DCLRE1C: variants seen among roughly 807,000 people sequenced by gnomAD.
DCLRE1C encodes the protein protein artemis.
DCLRE1C carries 47 observed loss-of-function variants against 61.4 expected under a neutral mutation model. That is an observed-to-expected ratio of 0.77 (90% CI 0.61 to 0.98). The LOEUF (loss-of-function observed/expected upper bound fraction) is 0.98, where lower values mean the gene tolerates loss of function less well. DCLRE1C is among the 50% of genes least tolerant of loss of function. The pLI, the probability that DCLRE1C is intolerant of heterozygous loss-of-function variation, is 0.00. For missense variants in DCLRE1C, 858 were observed against 816.0 expected, an observed-to-expected ratio of 1.05 and a Z score of -0.63; for synonymous variants, 337 against 287.6, an observed-to-expected ratio of 1.17 and a Z score of -1.74.
chr10:14,954,197 C>A (rs1381308810), upstream of DCLRE1C: 5 of 920,488 alleles, frequency 5.4e-6, no homozygotes, highest in Non-Finnish European at 8.3e-6. Context: ...GGGTTCTAGG[C>A]GCCCGCTGCT....
At chr10:14,901,072 G>A, downstream of DCLRE1C, 1 of 1,568,272 alleles carries the variant, frequency 6.4e-7, no homozygotes, top group East Asian at 2.3e-5. Flanking sequence ...ATTTTATATG[G>A]CATGTAGAAG....
At chr10:14,912,289 C>T (rs965393350) in intron 13 of DCLRE1C, among the ~76,000 whole-genome samples, 5 of 152,164 alleles carry the variant, frequency 3.3e-5, no homozygotes, top group African/African-American at 4.8e-5. Context: ...CTCCTGATCT[C>T]AGGTGATCCA....
chr10:14,924,180 GCT>G (rs899022703), intron 11 of DCLRE1C, among the ~76,000 whole-genome samples: 5 of 152,236 alleles, frequency 3.3e-5, no homozygotes, highest in Admixed American at 6.5e-5. Context: ...GGGAGTGCTT[GCT>G]CTCTCTCACT....
chr10:14,949,492 G>A (rs538324264), intron 1 of DCLRE1C, among the ~76,000 whole-genome samples: 9 of 152,280 alleles, frequency 5.9e-5, no homozygotes, highest in Admixed American at 2.0e-4. Context: ...ATTCAAGTTC[G>A]TGGTCATGGA....
In DCLRE1C at chr10:14,908,896, G is replaced by A; in HGVS notation, c.1591C>T (p.His531Tyr). The A allele has an allele frequency of 6.2e-7, 1 of 1,614,172 alleles. No individual in the cohort carries two copies. The highest frequency in any genetic ancestry group is 1.1e-5 in the South Asian group (1 of 91,072). The change falls in exon 14 of 14, where the codon CAC (histidine) becomes TAC (tyrosine). Residue 531 changes from histidine (H) to tyrosine (Y), a missense_variant. Around this residue, in one of 2 missense-constraint regions of DCLRE1C, gnomAD observed 843 missense variants for 783.5 expected, o/e 1.08. Transcript: ENST00000378278. ...TGGGAAGAATTCTGGGAGGAGATGT[G>A]AGTTGATTCTCCATCAGAGTCACTG... ...LFSDSDGEST[H>Y]ISSQNSSQST...
At chr10:14,924,363 G>A (rs139725533) in intron 11 of DCLRE1C, among the ~76,000 whole-genome samples, 1 of 152,310 alleles carries the variant, frequency 6.6e-6, no homozygotes, top group East Asian at 1.9e-4. Flanking sequence ...GCTAAACAGA[G>A]GAACTCTGTC....
At chr10:14,938,724 AG>A (rs1385573269) in intron 4 of DCLRE1C, among the ~76,000 whole-genome samples, 4 of 152,230 alleles carry the variant, frequency 2.6e-5, no homozygotes, top group Non-Finnish European at 5.9e-5. Context: ...ATAAGGGTTC[AG>A]AAAAAAAGTA....
chr10:14,922,908 G>T, intron 12 of DCLRE1C, 73 bp downstream of exon 12: 1 of 1,045,954 alleles, frequency 9.6e-7, no homozygotes. Flanking sequence ...AAACATTCAG[G>T]CAAACTCTCC....
chr10:14,913,117 A>T (rs999626723), intron 13 of DCLRE1C, among the ~76,000 whole-genome samples: 10 of 152,224 alleles, frequency 6.6e-5, no homozygotes, highest in African/African-American at 2.4e-4. Context: ...TGGCCTCCCA[A>T]AGTGCTGGGA....
intron 4 of DCLRE1C, among the ~76,000 whole-genome samples, chr10:14,939,426 G>T (rs1304712243): frequency 7.6e-6 from 1 of 130,756 alleles, no homozygotes; most frequent in South Asian, 2.7e-4. Context: ...CCTGGGTGAC[G>T]GAGTGAGACT....
chr10:14,935,720 T>C (rs1839798550), intron 5 of DCLRE1C, among the ~76,000 whole-genome samples, 156 bp from the exon 6 acceptor site: 1 of 152,130 alleles, frequency 6.6e-6, no homozygotes, highest in Non-Finnish European at 1.5e-5. Context: ...CACCAGGCAC[T>C]CAGCTGTCAC....
At chr10:14,949,895 A>T (rs976488475) in intron 1 of DCLRE1C, among the ~76,000 whole-genome samples, 2 of 151,680 alleles carry the variant, frequency 1.3e-5, no homozygotes. Context: ...AAATACAAAA[A>T]TTAGCCATGA....
chr10:14,945,586 A>T, intron 2 of DCLRE1C: 2 of 1,022,632 alleles, frequency 2.0e-6, no homozygotes, highest in South Asian at 7.5e-5. Context: ...ACCGCCACAC[A>T]TTACACTACC....
At position 14,939,732 on chromosome 10, in the gene DCLRE1C, G is replaced by A. The variant is rs41296994; in HGVS notation, c.306+78C>T. On this transcript the variant is annotated intron_variant, in intron 4 of 13. Coordinates refer to ENST00000378278, the MANE Select transcript of DCLRE1C (RefSeq NM_001033855.3). ...TAGCTGAGGGGTGGAGCATCTGACT[G>A]CAAAATCAAAGAGAAATATAAACAA... 2.5e-3 allele frequency: 3,196 copies of A among 1,280,160 alleles called. 53 individuals carry two copies. The African/African-American group carries it at 0.041, about 16-fold the overall frequency. The allele number at this position is 1,280,160 out of a possible 1,614,324, so 79.3% of individuals were successfully genotyped here.
chr10:14,953,607 C>T (rs985311176), intron 1 of DCLRE1C, among the ~76,000 whole-genome samples: 1 of 152,112 alleles, frequency 6.6e-6, no homozygotes, highest in Non-Finnish European at 1.5e-5. Context: ...AGTACTAACC[C>T]TCGCCAATCT....
intron 13 of DCLRE1C, among the ~76,000 whole-genome samples, chr10:14,914,961 A>G (rs894672129): frequency 8.5e-5 from 13 of 152,058 alleles, no homozygotes; most frequent in Non-Finnish European, 1.6e-4. Context: ...AAAATCATAC[A>G]AAGTATGTTC....
chr10:14,935,649 CT>C, intron 5 of DCLRE1C, 85 bp from the exon 6 acceptor site: 1 of 1,291,762 alleles, frequency 7.7e-7, no homozygotes, highest in Middle Eastern at 1.9e-4. Flanking sequence ...ATACTAAATG[CT>C]TCCTGCAAAC....
chr10:14,932,885 T>TTGCG lies in DCLRE1C; in HGVS notation c.745_748dup (p.Asn250ThrfsTer31). 6.2e-7 allele frequency: 1 copy of TTGCG among 1,614,190 alleles called. No homozygotes were observed. Among genetic ancestry groups the TTGCG allele is most frequent in the South Asian group, 1.1e-5 (1 of 91,084 alleles). Reference sequence around the variant, plus strand: ...ATGCCGGCATGCATGGATCTGAGTGTTGCGGTCTGTTGTGAGATGATGAAG... The same window carrying TTGCG: ...ATGCCGGCATGCATGGATCTGAGTGTTGCGTGCGGTCTGTTGTGAGATGATGAAG... On this transcript the variant is annotated frameshift_variant, in exon 9 of 14. Coordinates refer to ENST00000378278, the MANE Select transcript of DCLRE1C (RefSeq NM_001033855.3). LOFTEE classifies it high-confidence loss of function.
chr10:14,908,416 C>T lies in DCLRE1C; in HGVS notation c.2071G>A (p.Asp691Asn), dbSNP rs772172871. The T allele has an allele frequency of 1.2e-6, 2 of 1,613,332 alleles. No homozygotes were observed. The highest frequency in any genetic ancestry group is 1.3e-5 in the African/African-American group (1 of 74,846). Residue 691 changes from aspartate to asparagine, a missense_variant, in exon 14 of 14, where the codon GAT (aspartate) becomes AAT (asparagine). By Grantham distance (23) the Asp-to-Asn change is conservative. Around this residue, in one of 2 missense-constraint regions of DCLRE1C, gnomAD observed 843 missense variants for 783.5 expected, o/e 1.08. Coordinates refer to ENST00000378278, the MANE Select transcript of DCLRE1C (RefSeq NM_001033855.3). ...AVKKRKCSLL[D>N]T is the part of the protein sequence containing the mutation. ...TGAAACGCTTTGAATTCTTAGGTATCTAAGAGTGAGCATTTTCTTTTTTTG... is the reference window on the plus strand; with the variant it reads ...TGAAACGCTTTGAATTCTTAGGTATTTAAGAGTGAGCATTTTCTTTTTTTG...
Sources: allele counts gnomAD v4.1 joint callset (sites outside exome capture counted in the v4.1 genomes callset), GRCh38; gene constraint gnomAD v4.1.1; regional missense constraint gnomAD v4.1.1; transcripts MANE v1.5; gene names NCBI Gene and HGNC (gene_info 2026-07-23, HGNC 2026-07-21).